The following RERE variants were observed in gnomAD, a reference collection of about 807,000 sequenced individuals.
The protein encoded by RERE is arginine-glutamic acid dipeptide repeats.
In RERE, 40 loss-of-function variants were observed where a neutral mutation model predicts 146.1. That is an observed-to-expected ratio of 0.27 (90% confidence interval 0.21 to 0.36). The LOEUF (loss-of-function observed/expected upper bound fraction) is 0.36, where lower values mean the gene tolerates loss of function less well. Ranked by LOEUF, RERE falls within the 10% of genes least tolerant of loss-of-function variation. RERE has a pLI of 1.00. For synonymous variants in RERE, 1,003 were observed against 866.0 expected, an observed-to-expected ratio of 1.16 and a Z score of -2.78; for missense variants, 1,933 against 2,138.7, an observed-to-expected ratio of 0.90 and a Z score of 1.90.
intron 7 of RERE, among the ~76,000 whole-genome samples, chr1:8,523,574 G>A (rs1366743936): frequency 1.3e-5 from 2 of 152,098 alleles, no homozygotes; most frequent in Non-Finnish European, 2.9e-5. Context: ...TCCTCCACCA[G>A]ACAAGCACAG....
chr1:8,691,191 CG>C (rs1639199841), intron 1 of RERE, among the ~76,000 whole-genome samples: 2 of 152,202 alleles, frequency 1.3e-5, no homozygotes, highest in South Asian at 4.2e-4. Context: ...CCACCGTGCC[CG>C]GCCGGCCAAA....
At chr1:8,385,080 T>C (rs1050749365) in intron 12 of RERE, among the ~76,000 whole-genome samples, 1 of 152,180 alleles carries the variant, frequency 6.6e-6, no homozygotes, top group Non-Finnish European at 1.5e-5. Flanking sequence ...TTGGAATTCC[T>C]AGCAAGACTG....
chr1:8,590,941 A>G (rs1158679087), intron 4 of RERE: 1 of 152,252 alleles, frequency 6.6e-6, no homozygotes, highest in Non-Finnish European at 1.5e-5. Context: ...CTGAGTAGAA[A>G]GAGTCTGCAA....
intron 12 of RERE, among the ~76,000 whole-genome samples, chr1:8,390,890 T>C (rs1642863229): frequency 6.6e-6 from 1 of 152,116 alleles, no homozygotes; most frequent in South Asian, 2.1e-4. Flanking sequence ...CCACTTCTGA[T>C]TCAACACCAA....
intron 10 of RERE, among the ~76,000 whole-genome samples, chr1:8,473,254 A>G (rs2124155091): frequency 1.3e-5 from 2 of 152,284 alleles, no homozygotes; most frequent in South Asian, 2.1e-4. Context: ...CTTCTGCAGC[A>G]GAAGTCCTTG....
intron 6 of RERE, among the ~76,000 whole-genome samples, chr1:8,546,137 G>A (rs948250234): frequency 7.3e-5 from 11 of 150,874 alleles, no homozygotes; most frequent in Admixed American, 6.6e-5. Context: ...CTACAGGTGC[G>A]TGCCACCACA....
chr1:8,626,120 A>AAG (rs1646970725), intron 2 of RERE, among the ~76,000 whole-genome samples: 1 of 152,216 alleles, frequency 6.6e-6, no homozygotes, highest in African/African-American at 2.4e-5. Context: ...AGGGACAAGC[A>AAG]AGAGAATTCT....
chr1:8,771,909 C>CAAAA (rs768264978), intron 1 of RERE, among the ~76,000 whole-genome samples: 37 of 56,186 alleles, frequency 6.6e-4, no homozygotes, highest in Admixed American at 1.2e-3. Context: ...GACTCTGTCT[C>CAAAA]AAAAAAAAAA....
chr1:8,508,696 A>C (rs774828219), intron 7 of RERE, 21 bp from the exon 8 acceptor site: 1 of 1,601,554 alleles, frequency 6.2e-7, no homozygotes, highest in Non-Finnish European at 8.5e-7. Context: ...AATAGAGCAG[A>C]TTAAGTTAGC....
chr1:8,702,807 A>G (rs1489961553), intron 1 of RERE, among the ~76,000 whole-genome samples: 1 of 152,160 alleles, frequency 6.6e-6, no homozygotes, highest in Non-Finnish European at 1.5e-5. Context: ...GATTTAATTA[A>G]CTGAGATTTC....
At chr1:8,750,431 A>G in intron 1 of RERE, 1 of 806,008 alleles carries the variant, frequency 1.2e-6, no homozygotes, top group Non-Finnish European at 2.2e-6. Context: ...GGCTGGAACC[A>G]TGGAGGGTGT....
At chr1:8,545,829 G>A (rs1302313276) in intron 6 of RERE, among the ~76,000 whole-genome samples, 5 of 150,326 alleles carry the variant, frequency 3.3e-5, no homozygotes, top group African/African-American at 7.3e-5. Flanking sequence ...GATTACAGAC[G>A]CGTGCCACCA....
chr1:8,612,587 A>G (rs887469854), intron 4 of RERE, among the ~76,000 whole-genome samples: 4 of 152,218 alleles, frequency 2.6e-5, no homozygotes, highest in African/African-American at 9.7e-5. Flanking sequence ...TCTAATATAA[A>G]AAGTTTACAA....
intron 4 of RERE, among the ~76,000 whole-genome samples, chr1:8,578,731 T>C (rs1177830951): frequency 6.6e-6 from 1 of 152,166 alleles, no homozygotes; most frequent in Non-Finnish European, 1.5e-5. Flanking sequence ...CTTAGGGGGT[T>C]GTTGGCCTTT....
chr1:8,693,344 G>C (rs1423706590), intron 1 of RERE, among the ~76,000 whole-genome samples: 3 of 152,316 alleles, frequency 2.0e-5, no homozygotes, highest in Admixed American at 6.5e-5. Flanking sequence ...AAGCAATCCA[G>C]ATGTCCTTCG....
chr1:8,738,994 C>T (rs1232035602), intron 1 of RERE, among the ~76,000 whole-genome samples: 2 of 152,130 alleles, frequency 1.3e-5, no homozygotes, highest in African/African-American at 2.4e-5. Flanking sequence ...CCCAAATATG[C>T]TCTCTCTTTA....
At chr1:8,635,548 A>G (rs544305439) in intron 2 of RERE, among the ~76,000 whole-genome samples, 9 of 152,364 alleles carry the variant, frequency 5.9e-5, no homozygotes, top group African/African-American at 2.2e-4. Context: ...CTAGGCCAAT[A>G]TAACACTTAA....
intron 15 of RERE, among the ~76,000 whole-genome samples, chr1:8,363,222 C>T (rs1641661232): frequency 6.6e-6 from 1 of 152,248 alleles, no homozygotes; most frequent in African/African-American, 2.4e-5. Flanking sequence ...GTCCATTCTC[C>T]CAACCAAACC....
intron 4 of RERE, among the ~76,000 whole-genome samples, chr1:8,592,067 A>G (rs886601862): frequency 9.2e-5 from 14 of 152,254 alleles, no homozygotes; most frequent in Admixed American, 8.5e-4. Flanking sequence ...CCTTCACAGT[A>G]AAGACATTTT....
Sources: allele counts gnomAD v4.1 joint callset (sites outside exome capture counted in the v4.1 genomes callset), GRCh38; gene constraint gnomAD v4.1.1; transcripts MANE v1.5; gene names NCBI Gene and HGNC (gene_info 2026-07-23, HGNC 2026-07-21).